Variants in AKT3 observed in about 807,000 individuals in gnomAD.
AKT3 encodes RAC-gamma serine/threonine-protein kinase.
Under a neutral mutation model 65.3 loss-of-function variants are expected in AKT3, and 15 were observed. That is an observed-to-expected ratio of 0.23 (90% CI 0.15 to 0.35). The LOEUF (loss-of-function observed/expected upper bound fraction) is 0.35. Among genes scored for constraint, AKT3 ranks in the 10% least tolerant of loss-of-function variants. The pLI is 1.00. For missense variants in AKT3, 243 were observed against 576.5 expected (o/e 0.42, Z 5.92); for synonymous variants, 206 against 183.8 (o/e 1.12, Z -0.98).
At chr1:243,513,426 A>T (rs1670146876) in intron 12 of AKT3, among the ~76,000 whole-genome samples, 1 of 152,192 alleles carries the variant, frequency 6.6e-6, no homozygotes, top group East Asian at 1.9e-4. Flanking sequence ...AGAAATCAGC[A>T]TGTTTTATAA....
In AKT3 at chr1:243,800,743, G is replaced by A. The variant is rs185776776; in HGVS notation, c.46+42382C>T. Among the ~76,000 whole-genome samples the A allele has an allele frequency of 4.0e-5, 6 of 151,860 alleles. No individual in the cohort carries two copies. In the East Asian group the frequency reaches 1.2e-3, roughly 29 times the overall value. On this transcript the variant is annotated intron_variant, in intron 2 of 13. Coordinates refer to ENST00000673466, the MANE Select transcript of AKT3 (RefSeq NM_005465.7). ...AGGAAAAAAAAAAAAGAGAGATTAT[G>A]TATAATAATCACACTGGAGCGACAA...
At chr1:243,582,124 T>C (rs1675407903) in intron 8 of AKT3, among the ~76,000 whole-genome samples, 3 of 151,998 alleles carry the variant, frequency 2.0e-5, no homozygotes, top group Non-Finnish European at 2.9e-5. Context: ...AAATTACTGG[T>C]ATTCCTGAGA....
Position 243,501,488 on chromosome 1 carries a change from C to G in AKT3, c.*3761G>C, listed in dbSNP as rs1434883292. On this transcript the variant is annotated 3_prime_UTR_variant, in exon 14 of 14. Coordinates refer to ENST00000673466, the MANE Select transcript of AKT3 (RefSeq NM_005465.7). ...CTTCATCCCTGGCTTCACAGTACAT[C>G]CATCCTAAATCCAGTGCTGAGAGGT... The G allele has an allele frequency of 4.3e-6, 1 of 233,108 alleles. No individual in the cohort carries two copies. Among genetic ancestry groups the G allele is most frequent in the Non-Finnish European group, 8.5e-6 (1 of 118,024 alleles). The allele number at this position is 233,108 out of a possible 1,614,324, so 14.4% of individuals were successfully genotyped here.
At chr1:243,645,130 T>C (rs1680706442) in intron 5 of AKT3, among the ~76,000 whole-genome samples, 1 of 152,190 alleles carries the variant, frequency 6.6e-6, no homozygotes, top group Non-Finnish European at 1.5e-5. Context: ...TCTTAATCAC[T>C]GTGCTAATAC....
chr1:243,594,149 T>G (rs1324976092), intron 8 of AKT3, among the ~76,000 whole-genome samples: 5 of 152,190 alleles, frequency 3.3e-5, no homozygotes, highest in Non-Finnish European at 7.4e-5. Context: ...TATTCTTATA[T>G]GCTAACAGCA....
intron 3 of AKT3, among the ~76,000 whole-genome samples, chr1:243,683,741 T>C (rs1480859253): frequency 2.6e-5 from 4 of 152,184 alleles, no homozygotes; most frequent in Admixed American, 1.3e-4. Flanking sequence ...ATCTCTTCTA[T>C]GTCCTCAGTA....
At chr1:243,644,692 A>G (rs1397076026) in intron 5 of AKT3, among the ~76,000 whole-genome samples, 2 of 152,230 alleles carry the variant, frequency 1.3e-5, no homozygotes, top group Admixed American at 6.5e-5. Flanking sequence ...GTCTCCAAAA[A>G]GAAAAATCCA....
rs552280426 is a variant in AKT3, at chr1:243,500,288, G to A, written c.*4961C>T. ...TCAGACTCCATTTTATTTATTTATC[G>A]TCCTACTTTGTGCACAATCAATCAA... On this transcript the variant is annotated 3_prime_UTR_variant, in exon 14 of 14. Transcript: ENST00000673466. 2.6e-4 allele frequency: 54 copies of A among 209,360 alleles called. 1 individual carries two copies. The highest frequency in any genetic ancestry group is 1.5e-3 in the African/African-American group (49 of 31,980). 13.0% of individuals were successfully genotyped at this position (209,360 alleles called of 1,614,324 possible).
intron 2 of AKT3, among the ~76,000 whole-genome samples, chr1:243,769,627 C>A (rs1690051207): frequency 6.6e-6 from 1 of 152,008 alleles, no homozygotes; most frequent in Non-Finnish European, 1.5e-5. Flanking sequence ...ATTCAGATTT[C>A]TTAATTGGGT....
rs527315754 is a variant in AKT3, at chr1:243,501,664, G to C, written c.*3585C>G. The C allele has an allele frequency of 4.3e-6, 1 of 232,888 alleles. No homozygotes were observed. Among genetic ancestry groups the C allele is most frequent in the South Asian group, 1.8e-4 (1 of 5,532 alleles). The allele number at this position is 232,888 out of a possible 1,614,324, so 14.4% of individuals were successfully genotyped here. A position where few individuals can be genotyped will look rare whatever the true frequency, so the allele number is the denominator to read the frequency against. The stretch of plus-strand genomic sequence containing the variant: ...TCCTGTCACATTTTATACAAGGTAG[G>C]TTAATACCAGCTGGGGCTATTAAAA... On this transcript the variant is annotated 3_prime_UTR_variant, in exon 14 of 14. Transcript: ENST00000673466.
rs138041680 is a variant in AKT3 at position 243,800,673 on chromosome 1, G to A, written c.46+42452C>T. On this transcript the variant is annotated intron_variant, in intron 2 of 13. Coordinates refer to ENST00000673466, the MANE Select transcript of AKT3 (RefSeq NM_005465.7). ...GCAGAGGTTGCAGTGAGCCAAGATC[G>A]CGCCATTGCACTCCAGCCCAGCGAC... is the stretch of plus-strand genomic sequence containing the variant. 4.6e-4 allele frequency among the ~76,000 whole-genome samples: 70 copies of A among 151,890 alleles called. 1 individual carries two copies. The highest frequency in any genetic ancestry group is 1.5e-3 in the Admixed American group (23 of 15,262).
intron 4 of AKT3, among the ~76,000 whole-genome samples, chr1:243,662,189 A>T (rs1275735545): frequency 6.6e-6 from 1 of 152,194 alleles, no homozygotes; most frequent in Non-Finnish European, 1.5e-5. Flanking sequence ...CATTTGACCC[A>T]GCCATCCCAT....
At chr1:243,651,628 C>G (rs914977886) in intron 4 of AKT3, among the ~76,000 whole-genome samples, 1 of 152,060 alleles carries the variant, frequency 6.6e-6, no homozygotes, top group Non-Finnish European at 1.5e-5. Context: ...TGTTGAAAGC[C>G]TTTTCTGCAT....
chr1:243,686,847 A>G (rs1326406972), intron 3 of AKT3, among the ~76,000 whole-genome samples: 2 of 149,804 alleles, frequency 1.3e-5, no homozygotes, highest in Non-Finnish European at 3.0e-5. Context: ...TATTTTTAGT[A>G]GAGATGGGGG....
intron 2 of AKT3, among the ~76,000 whole-genome samples, chr1:243,822,862 C>T (rs1412699455): frequency 2.0e-5 from 3 of 152,122 alleles, no homozygotes; most frequent in Non-Finnish European, 2.9e-5. Flanking sequence ...CAAAGAGGAG[C>T]TAGTATCACT....
At chr1:243,702,076 T>A (rs1685499741) in intron 2 of AKT3, among the ~76,000 whole-genome samples, 1 of 143,352 alleles carries the variant, frequency 7.0e-6, no homozygotes, top group East Asian at 2.0e-4. Flanking sequence ...CAATCTTTAT[T>A]ATTTACAGAG....
At chr1:243,772,681 T>A (rs903190308) in intron 2 of AKT3, among the ~76,000 whole-genome samples, 1 of 152,104 alleles carries the variant, frequency 6.6e-6, no homozygotes, top group Non-Finnish European at 1.5e-5. Flanking sequence ...GCCATCCCAT[T>A]ACTGGGTATA....
At chr1:243,780,618 GAGAA>G (rs1281049685) in intron 2 of AKT3, among the ~76,000 whole-genome samples, 2 of 151,228 alleles carry the variant, frequency 1.3e-5, no homozygotes, top group Admixed American at 1.3e-4. Flanking sequence ...TACAGAAGGG[GAGAA>G]AGAGAGGGAA....
chr1:243,655,215 C>T (rs779792494), intron 4 of AKT3, among the ~76,000 whole-genome samples: 10 of 152,102 alleles, frequency 6.6e-5, no homozygotes, highest in Non-Finnish European at 1.5e-4. Flanking sequence ...GTCTAGTTTG[C>T]TATTAAAGCC....
Sources: gnomAD v4.1 joint callset for allele counts (sites outside exome capture counted in the v4.1 genomes callset) on GRCh38, gnomAD v4.1.1 for gene constraint, MANE v1.5 for transcripts, NCBI Gene and HGNC (gene_info 2026-07-23, HGNC 2026-07-21) for gene names.